The following ZFYVE28 variants were observed in gnomAD, a reference collection of about 807,000 sequenced individuals.
ZFYVE28 encodes zinc finger FYVE-type containing 28.
Under a neutral mutation model 82.1 loss-of-function variants are expected in ZFYVE28, and 40 were observed. That is an observed-to-expected ratio of 0.49 (90% confidence interval 0.38 to 0.63). The LOEUF (loss-of-function observed/expected upper bound fraction) is 0.63, where lower values mean the gene tolerates loss of function less well. ZFYVE28 is among the 30% of genes least tolerant of loss of function. The pLI is 0.00. For synonymous variants in ZFYVE28, 612 were observed against 546.1 expected (o/e 1.12, Z -1.68); for missense variants, 1,321 against 1,242.1 (o/e 1.06, Z -0.96).
At chr4:2,330,854 G>T (rs1392681505) in intron 6 of ZFYVE28, 10 of 1,535,302 alleles carry the variant, frequency 6.5e-6, no homozygotes, top group South Asian at 1.2e-5. Context: ...GGACTGGGGA[G>T]AGAGGACTGG....
intron 2 of ZFYVE28, among the ~76,000 whole-genome samples, chr4:2,346,210 T>C (rs766148836): frequency 9.7e-5 from 14 of 144,172 alleles, no homozygotes; most frequent in East Asian, 4.0e-4. Flanking sequence ...GGCGTGGTGG[T>C]GGGCGCCTAT....
chr4:2,389,392 C>T (rs1729594411), intron 1 of ZFYVE28, among the ~76,000 whole-genome samples: 1 of 152,210 alleles, frequency 6.6e-6, no homozygotes, highest in Admixed American at 6.5e-5. Flanking sequence ...CTGTGAGCCA[C>T]AGACACACTG....
intron 2 of ZFYVE28, 146 bp downstream of exon 2, chr4:2,353,787 C>T: frequency 9.3e-7 from 1 of 1,070,744 alleles, no homozygotes. Context: ...GATGGTCCCT[C>T]TTCCTGGGCC....
At position 2,312,457 on chromosome 4, in the gene ZFYVE28, G is replaced by T. The variant is rs554820425; in HGVS notation, c.804-6921C>A. ...TTAGAAGTGTTTTGGGGCCGGGCGC[G>T]GTGGCTCACGCCTGTAATCATAGCA... On this transcript the variant is annotated intron_variant, in intron 7 of 12. Transcript: ENST00000290974. 9.2e-5 allele frequency among the ~76,000 whole-genome samples: 14 copies of T among 152,266 alleles called. No homozygotes were observed. In the East Asian group the frequency reaches 2.7e-3, roughly 29 times the overall value.
chr4:2,379,114 A>G (rs1480788247), intron 1 of ZFYVE28, among the ~76,000 whole-genome samples: 1 of 152,220 alleles, frequency 6.6e-6, no homozygotes, highest in Admixed American at 6.5e-5. Context: ...GACAGACAGC[A>G]TCTGAGAGTG....
chr4:2,329,367 T>C (rs1253500674), intron 6 of ZFYVE28, among the ~76,000 whole-genome samples: 1 of 152,244 alleles, frequency 6.6e-6, no homozygotes, highest in African/African-American at 2.4e-5. Flanking sequence ...TTTTACTCTT[T>C]TGAATGTTAT....
chr4:2,340,006 C>A (rs73087152), intron 3 of ZFYVE28, among the ~76,000 whole-genome samples: 4,681 of 151,950 alleles, frequency 0.031, 253 homozygotes, highest in African/African-American at 0.11. Context: ...AGGAGGAACC[C>A]TGGTCATGTG....
At chr4:2,355,275 G>A (rs1159389337) in intron 1 of ZFYVE28, among the ~76,000 whole-genome samples, 1 of 30,550 alleles carries the variant, frequency 3.3e-5, no homozygotes, top group Non-Finnish European at 6.8e-5. Context: ...TATATATAAT[G>A]ATTCTTCTTT....
intron 6 of ZFYVE28, among the ~76,000 whole-genome samples, chr4:2,334,898 G>A (rs980378247): frequency 7.7e-6 from 1 of 129,598 alleles, no homozygotes; most frequent in African/African-American, 2.7e-5. Context: ...AGCTCTCTGT[G>A]GTCCACTCAC....
intron 7 of ZFYVE28, among the ~76,000 whole-genome samples, chr4:2,305,966 C>T (rs1716508604): frequency 6.6e-6 from 1 of 152,218 alleles, no homozygotes; most frequent in South Asian, 2.1e-4. Context: ...TACCAGGACA[C>T]GAGGAAGAAG....
At chr4:2,325,810 C>A (rs979482614) in intron 6 of ZFYVE28, among the ~76,000 whole-genome samples, 1 of 152,042 alleles carries the variant, frequency 6.6e-6, no homozygotes, top group African/African-American at 2.4e-5. Context: ...TTAAGCTGGA[C>A]TCAAACTCCT....
rs886376247 is a variant in ZFYVE28, at chr4:2,341,748, G to T, written c.181-133C>A. On this transcript the variant is annotated intron_variant, in intron 2 of 12. Transcript: ENST00000290974. The surrounding 1 kb of genome is among the most constrained non-coding windows in gnomAD (Gnocchi z 4.5). ...TAAAGTGATAGAGGAGGCTAGGCACGGTGGCTCATGCCTATAATGCCAGCA... is the reference window on the plus strand; with the variant it reads ...TAAAGTGATAGAGGAGGCTAGGCACTGTGGCTCATGCCTATAATGCCAGCA... 4 of 1,306,834 alleles carry T rather than the reference G, an allele frequency of 3.1e-6. No individual in the cohort carries two copies. Among genetic ancestry groups the T allele is most frequent in the East Asian group, 2.5e-5 (1 of 40,156 alleles). 81.0% of individuals were successfully genotyped at this position (1,306,834 alleles called of 1,614,324 possible).
In ZFYVE28 at chr4:2,327,305, TATATCG is replaced by T. The variant is rs1442492130; in HGVS notation, c.702-7040_702-7035del. Among the ~76,000 whole-genome samples, 58 of 60,948 alleles carry T rather than the reference TATATCG, an allele frequency of 9.5e-4. 5 individuals carry two copies. The highest frequency in any genetic ancestry group is 3.0e-3 in the African/African-American group (56 of 18,490). 40.0% of individuals were successfully genotyped at this position (60,948 alleles called of 152,430 possible). On this transcript the variant is annotated intron_variant, in intron 6 of 12. Transcript: ENST00000290974. ...ATATATATATATATATATATATATATATATCGAATAAAGTTGCCATCAAACAGTAAC... is the reference window on the plus strand; with the variant it reads ...ATATATATATATATATATATATATATAATAAAGTTGCCATCAAACAGTAAC...
intron 1 of ZFYVE28, among the ~76,000 whole-genome samples, chr4:2,386,862 G>A (rs1020625478): frequency 2.6e-5 from 4 of 152,246 alleles, no homozygotes; most frequent in Non-Finnish European, 4.4e-5. Context: ...GGCCATGCCC[G>A]CCCGCCTGAG....
chr4:2,319,793 T>TTGGGGACGGTGGGGACGGTGGGGATGG (rs1718778458), intron 7 of ZFYVE28, among the ~76,000 whole-genome samples: 1 of 124,460 alleles, frequency 8.0e-6, no homozygotes, highest in African/African-American at 3.1e-5. Context: ...AGCAAGCGCT[T>TTGGGGACGGTGGGGACGGTGGGGATGG]TGGGGACGGT....
chr4:2,319,704 G>C (rs898959761), intron 7 of ZFYVE28, among the ~76,000 whole-genome samples: 2 of 151,492 alleles, frequency 1.3e-5, no homozygotes, highest in African/African-American at 4.9e-5. Flanking sequence ...GTTTTAAAAG[G>C]GGGTCTCCCA....
At chr4:2,297,835 T>TGACACAGTGACACGGC (rs1714849832) in intron 8 of ZFYVE28, among the ~76,000 whole-genome samples, 1 of 145,356 alleles carries the variant, frequency 6.9e-6, no homozygotes, top group African/African-American at 2.6e-5. Context: ...GGTGACACGG[T>TGACACAGTGACACGGC]GACACAGTGA....
intron 1 of ZFYVE28, among the ~76,000 whole-genome samples, chr4:2,383,438 C>T (rs1728930190): frequency 6.6e-6 from 1 of 152,142 alleles, no homozygotes; most frequent in Non-Finnish European, 1.5e-5. Context: ...GCCCCCTGCC[C>T]CACAGCCACG....
intron 1 of ZFYVE28, among the ~76,000 whole-genome samples, chr4:2,382,703 T>C (rs1222122618): frequency 3.3e-5 from 5 of 152,214 alleles, no homozygotes; most frequent in African/African-American, 4.8e-5. Flanking sequence ...CTTTTGACTG[T>C]GGACTTTTGG....
Sources: gnomAD v4.1 joint callset for allele counts (sites outside exome capture counted in the v4.1 genomes callset) on GRCh38, gnomAD v4.1.1 for gene constraint, Gnocchi (gnomAD v3.1) non-coding constraint, MANE v1.5 for transcripts, NCBI Gene and HGNC (gene_info 2026-07-23, HGNC 2026-07-21) for gene names.